The following EDA variants were observed in gnomAD, a reference collection of about 807,000 sequenced individuals.
The protein encoded by EDA is ectodysplasin-A.
Under a neutral mutation model 23.6 loss-of-function variants are expected in EDA, and 2 were observed. The ratio of observed to expected loss-of-function variants is 0.08; its 90% confidence interval spans 0.03 to 0.27. EDA has a LOEUF of 0.27. EDA is among the 10% of genes least tolerant of loss of function. The pLI is 1.00. For missense variants in EDA, 229 were observed against 324.2 expected (o/e 0.71, Z 2.26); for synonymous variants, 131 against 132.0 (o/e 0.99, Z 0.05).
At chrX:69,799,628 G>A in intron 1 of EDA, among the ~76,000 whole-genome samples, 1 of 102,829 alleles carries the variant, frequency 9.7e-6, no homozygotes, top group South Asian at 4.7e-4. Flanking sequence ...AATCACTGGG[G>A]AAATGTAAGT....
chrX:69,973,888 T>C (rs2019280453), intron 2 of EDA, among the ~76,000 whole-genome samples: 1 of 111,272 alleles, frequency 9.0e-6, no homozygotes, highest in Non-Finnish European at 1.9e-5. Flanking sequence ...AAACTATGTT[T>C]GTATTAAACG....
intron 1 of EDA, among the ~76,000 whole-genome samples, chrX:69,794,619 A>T (rs2015498332): frequency 8.9e-6 from 1 of 112,344 alleles, no homozygotes; most frequent in Admixed American, 9.4e-5. Context: ...GTTTTGGAGG[A>T]CTAGAGTGAA....
intron 1 of EDA, among the ~76,000 whole-genome samples, chrX:69,854,694 A>T (rs2147583100): frequency 8.9e-6 from 1 of 112,456 alleles, no homozygotes; most frequent in South Asian, 3.7e-4. Flanking sequence ...CATTTTCTTT[A>T]TCCAGTCTAT....
intron 1 of EDA, among the ~76,000 whole-genome samples, chrX:69,910,992 T>C (rs1364786198): frequency 8.0e-5 from 9 of 112,118 alleles, no homozygotes; most frequent in Non-Finnish European, 1.5e-4. Context: ...TATTGTATAC[T>C]GGATACTATG....
At chrX:69,779,882 A>G (rs1422802127) in intron 1 of EDA, among the ~76,000 whole-genome samples, 2 of 111,269 alleles carry the variant, frequency 1.8e-5, no homozygotes, top group Non-Finnish European at 3.8e-5. Flanking sequence ...CATTGTGGTT[A>G]CTGGAGAATA....
At chrX:69,884,120 A>T (rs1171520133) in intron 1 of EDA, among the ~76,000 whole-genome samples, 1 of 111,759 alleles carries the variant, frequency 8.9e-6, no homozygotes, top group Non-Finnish European at 1.9e-5. Flanking sequence ...GCAAAAGAGT[A>T]GGTTTCTCCA....
chrX:69,754,115 A>T (rs1224482228), intron 1 of EDA, among the ~76,000 whole-genome samples: 1 of 111,609 alleles, frequency 9.0e-6, no homozygotes. Flanking sequence ...TGTCATTATG[A>T]TGTTAGCTGG....
chrX:69,914,371 TTCCC>T (rs1368076525), intron 1 of EDA, among the ~76,000 whole-genome samples: 61 of 112,164 alleles, frequency 5.4e-4, no homozygotes, highest in African/African-American at 1.9e-3. Flanking sequence ...TTAAGCGACC[TTCCC>T]AGTGTCACAT....
rs1024689686 is a variant in EDA at position 69,896,805 on chromosome X, C to T, written c.397-60222C>T. Among the ~76,000 whole-genome samples the T allele has an allele frequency of 4.5e-5, 5 of 110,995 alleles. No homozygotes were observed. The Admixed American group carries it at 4.8e-4, about 11-fold the overall frequency. Reference sequence around the variant, plus strand: ...ATGCCTTTAACTTCTCTTCTTCTCACTCTTCCTCTTGATGATTTAGAATAA... The same window carrying T: ...ATGCCTTTAACTTCTCTTCTTCTCATTCTTCCTCTTGATGATTTAGAATAA... On this transcript the variant is annotated intron_variant, in intron 1 of 7. Coordinates refer to ENST00000374552, the MANE Select transcript of EDA (RefSeq NM_001399.5).
At position 69,674,114 on chromosome X, in the gene EDA, TC is replaced by T. The variant is rs2147270912; in HGVS notation, c.396+57411del. Among the ~76,000 whole-genome samples the T allele has an allele frequency of 3.8e-5, 4 of 104,801 alleles. No individual in the cohort carries two copies. In the Admixed American group the frequency reaches 4.0e-4, roughly 10 times the overall value. The allele number at this position is 104,801 out of a possible 115,157, so 91.0% of individuals were successfully genotyped here. On this transcript the variant is annotated intron_variant, in intron 1 of 7. Transcript: ENST00000374552. ...ATTGTAGGAAAAGCCTATCTATCTA[TC>T]TATCTATCTATCTATCTATCTATCT... is the stretch of plus-strand genomic sequence containing the variant.
At chrX:69,988,582 G>A (rs763258222) in intron 2 of EDA, among the ~76,000 whole-genome samples, 77 of 112,088 alleles carry the variant, frequency 6.9e-4, no homozygotes, top group South Asian at 1.9e-3. Flanking sequence ...AGGGCCAGTC[G>A]CGGTGGCTCA....
At chrX:69,857,597 A>G (rs1373674060) in intron 1 of EDA, among the ~76,000 whole-genome samples, 2 of 110,457 alleles carry the variant, frequency 1.8e-5, no homozygotes, top group East Asian at 5.7e-4. Flanking sequence ...TGATGAAGGT[A>G]TTGTTATGGG....
chrX:69,750,490 C>T (rs979807861), intron 1 of EDA, among the ~76,000 whole-genome samples: 18 of 110,306 alleles, frequency 1.6e-4, no homozygotes, highest in East Asian at 8.6e-4. Context: ...CATACGTGTG[C>T]GTGTGTCTTT....
At chrX:69,988,479 C>T (rs775968726) in intron 2 of EDA, among the ~76,000 whole-genome samples, 5 of 112,006 alleles carry the variant, frequency 4.5e-5, no homozygotes, top group Admixed American at 9.5e-5. Context: ...TTTCACATTG[C>T]GTGCCTGTAT....
chrX:69,630,629 C>T (rs1242380311), intron 1 of EDA, among the ~76,000 whole-genome samples: 1 of 112,075 alleles, frequency 8.9e-6, no homozygotes, highest in Admixed American at 9.4e-5. Flanking sequence ...AATATAAAGT[C>T]TTGTGGTTAT....
intron 1 of EDA, among the ~76,000 whole-genome samples, chrX:69,736,610 T>A (rs1018292178): frequency 4.5e-5 from 5 of 110,680 alleles, no homozygotes; most frequent in Non-Finnish European, 7.6e-5. Flanking sequence ...ATTACAGGCG[T>A]GAGCCACTGC....
intron 1 of EDA, among the ~76,000 whole-genome samples, chrX:69,734,423 AC>A (rs1386414850): frequency 1.8e-5 from 2 of 111,492 alleles, no homozygotes; most frequent in South Asian, 7.5e-4. Context: ...ACAGAAACAA[AC>A]ATTTTTTATT....
In EDA at chrX:69,823,042, C is replaced by T. The variant is rs746455388; in HGVS notation, c.397-133985C>T. Among the ~76,000 whole-genome samples, 341 of 99,019 alleles carry T rather than the reference C, an allele frequency of 3.4e-3. 4 individuals are homozygous for T. Among genetic ancestry groups the T allele is most frequent in the African/African-American group, 0.013 (329 of 25,586 alleles). 86.0% of individuals were successfully genotyped at this position (99,019 alleles called of 115,157 possible). A position where few individuals can be genotyped will look rare whatever the true frequency, so the allele number is the denominator to read the frequency against. On this transcript the variant is annotated intron_variant, in intron 1 of 7. Coordinates refer to ENST00000374552, the MANE Select transcript of EDA (RefSeq NM_001399.5). Reference sequence around the variant, plus strand: ...GACATGAACTCATCATTTTTTATGGCTGCATAGTATTCCATGGTGTATATG... The same window carrying T: ...GACATGAACTCATCATTTTTTATGGTTGCATAGTATTCCATGGTGTATATG...
At chrX:69,848,908 G>C (rs1157875213) in intron 1 of EDA, among the ~76,000 whole-genome samples, 3 of 110,895 alleles carry the variant, frequency 2.7e-5, no homozygotes, top group African/African-American at 9.8e-5. Context: ...TTTCTTTTAA[G>C]GATTGTCAAA....
Sources: allele counts gnomAD v4.1 joint callset (sites outside exome capture counted in the v4.1 genomes callset), GRCh38; gene constraint gnomAD v4.1.1; transcripts MANE v1.5; gene names NCBI Gene and HGNC (gene_info 2026-07-23, HGNC 2026-07-21).